SMAP1: variants seen among roughly 807,000 people sequenced by gnomAD.
The protein encoded by SMAP1 is small ArfGAP 1.
A neutral mutation model predicts 58.5 loss-of-function variants in SMAP1; 24 were observed. The ratio of observed to expected loss-of-function variants is 0.41; its 90% CI spans 0.30 to 0.58. SMAP1 has a LOEUF of 0.58. Among genes scored for constraint, SMAP1 ranks in the 20% least tolerant of loss-of-function variants. The probability of loss-of-function intolerance (pLI) is 0.29; values close to 1 mark genes in which losing one functional copy is unlikely to be tolerated. For synonymous variants in SMAP1, 216 were observed against 196.6 expected (o/e 1.10, Z -0.82); for missense variants, 563 against 566.3 (o/e 0.99, Z 0.06).
chr6:70,821,168 G>A (rs1369771541), intron 6 of SMAP1, among the ~76,000 whole-genome samples: 1 of 151,338 alleles, frequency 6.6e-6, no homozygotes, highest in African/African-American at 2.4e-5. Context: ...ATATCAACAA[G>A]ATTAAGTTTT....
intron 8 of SMAP1, among the ~76,000 whole-genome samples, chr6:70,854,699 T>C (rs1771329141): frequency 6.6e-6 from 1 of 152,170 alleles, no homozygotes; most frequent in African/African-American, 2.4e-5. Flanking sequence ...CTACAGATTC[T>C]ATGCATATAT....
At chr6:70,801,859 G>C (rs1243474618) in intron 6 of SMAP1, among the ~76,000 whole-genome samples, 1 of 152,172 alleles carries the variant, frequency 6.6e-6, no homozygotes, top group Admixed American at 6.5e-5. Context: ...CTTCTGTTCT[G>C]TTCCATTGGT....
intron 2 of SMAP1, among the ~76,000 whole-genome samples, chr6:70,746,272 T>C (rs1766029002): frequency 6.6e-6 from 1 of 152,198 alleles, no homozygotes; most frequent in Non-Finnish European, 1.5e-5. Context: ...GGAATGCTTC[T>C]AGGTTTTGCC....
intron 6 of SMAP1, among the ~76,000 whole-genome samples, chr6:70,802,217 A>C (rs2149957337): frequency 6.6e-6 from 1 of 152,250 alleles, no homozygotes; most frequent in Admixed American, 6.5e-5. Flanking sequence ...GTTCTCCTTG[A>C]CGAGGTCCTT....
At chr6:70,668,456 G>A (rs1766127448) in intron 1 of SMAP1, 8 of 1,393,352 alleles carry the variant, frequency 5.7e-6, no homozygotes, top group Non-Finnish European at 6.6e-6. Context: ...AGCGAGGCTG[G>A]GAGCGCGGAA....
chr6:70,775,684 G>A (rs1767518571), intron 4 of SMAP1, among the ~76,000 whole-genome samples: 1 of 151,960 alleles, frequency 6.6e-6, no homozygotes, highest in African/African-American at 2.4e-5. Flanking sequence ...TTTTATGTAG[G>A]CTTGAGAGTA....
chr6:70,727,275 A>G (rs1485460281), intron 1 of SMAP1, among the ~76,000 whole-genome samples: 4 of 152,050 alleles, frequency 2.6e-5, no homozygotes, highest in African/African-American at 4.8e-5. Context: ...CGCCCAGCTA[A>G]TTTTTGTGTT....
At chr6:70,784,676 C>G (rs1425787780) in intron 4 of SMAP1, among the ~76,000 whole-genome samples, 3 of 152,076 alleles carry the variant, frequency 2.0e-5, no homozygotes, top group Admixed American at 6.6e-5. Context: ...AAACAGACTT[C>G]AAACCAACAA....
chr6:70,777,364 ATGATTAT>A (rs1767588979), intron 4 of SMAP1, among the ~76,000 whole-genome samples: 2 of 152,028 alleles, frequency 1.3e-5, no homozygotes, highest in African/African-American at 4.8e-5. Flanking sequence ...CATTTCTCTG[ATGATTAT>A]TGATTTGACC....
At position 70,668,065 on chromosome 6, in the gene SMAP1, C is replaced by G; in HGVS notation, c.42C>G (p.Asn14Lys). 6.2e-7 allele frequency: 1 copy of G among 1,604,282 alleles called. No homozygotes were observed. Among genetic ancestry groups the G allele is most frequent in the Non-Finnish European group, 8.5e-7 (1 of 1,176,144 alleles). ...GTCGGGAGAAGGCTCAGAAGCTGAA[C>G]GAGCAGCACCAGCTCATCCTATCCA... is the stretch of plus-strand genomic sequence containing the variant. Reference protein sequence around the residue: ...RSCREKAQKLNEQHQLILSKL... With the variant: ...RSCREKAQKLKEQHQLILSKL... Residue 14 changes from asparagine (N) to lysine (K), a missense_variant, in exon 1 of 11, where the codon AAC becomes AAG. By Grantham distance (94) the Asn-to-Lys change is moderately conservative. Coordinates refer to ENST00000370455, the MANE Select transcript of SMAP1 (RefSeq NM_001044305.3).
chr6:70,678,655 T>C (rs1354351188), intron 1 of SMAP1, among the ~76,000 whole-genome samples: 2 of 152,262 alleles, frequency 1.3e-5, no homozygotes, highest in African/African-American at 4.8e-5. Flanking sequence ...CTTATTGAGC[T>C]AAAGGCAAGG....
At chr6:70,830,563 TTATG>T (rs1298572027) in intron 6 of SMAP1, among the ~76,000 whole-genome samples, 4 of 152,254 alleles carry the variant, frequency 2.6e-5, no homozygotes, top group Non-Finnish European at 5.9e-5. Flanking sequence ...AATTGATAGT[TTATG>T]TATTCATGTT....
chr6:70,773,965 G>A (rs146792597), intron 4 of SMAP1, among the ~76,000 whole-genome samples: 5 of 152,214 alleles, frequency 3.3e-5, no homozygotes, highest in East Asian at 1.9e-4. Context: ...TATATACAAC[G>A]TTGGTCCTAT....
chr6:70,826,947 A>AG, intron 6 of SMAP1, among the ~76,000 whole-genome samples: 1 of 150,828 alleles, frequency 6.6e-6, no homozygotes, highest in East Asian at 1.9e-4. Context: ...AAAAAAAAAA[A>AG]AAAAAAAAAA....
intron 1 of SMAP1, among the ~76,000 whole-genome samples, chr6:70,698,562 A>G (rs1377208815): frequency 6.6e-6 from 1 of 152,150 alleles, no homozygotes; most frequent in African/African-American, 2.4e-5. Flanking sequence ...TTTCGTAGGC[A>G]TGCTTCATTC....
At chr6:70,754,532 T>C (rs560911315) in intron 2 of SMAP1, among the ~76,000 whole-genome samples, 28 of 152,232 alleles carry the variant, frequency 1.8e-4, no homozygotes, top group Non-Finnish European at 4.1e-4. Context: ...TTCTCTCTTA[T>C]CTGGCCTTCA....
chr6:70,701,875 C>T (rs1419458366), intron 1 of SMAP1, among the ~76,000 whole-genome samples: 2 of 152,144 alleles, frequency 1.3e-5, no homozygotes, highest in Non-Finnish European at 2.9e-5. Context: ...ATTTGGTGTT[C>T]CTGCAGGGGA....
At chr6:70,680,102 T>TCAACAACAACAACAACAA (rs140699249) in intron 1 of SMAP1, among the ~76,000 whole-genome samples, 8 of 150,352 alleles carry the variant, frequency 5.3e-5, no homozygotes, top group Non-Finnish European at 1.0e-4. Flanking sequence ...GATAGTCTTT[T>TCAACAACAACAACAACAA]CAACAACAAC....
chr6:70,860,466 T>A lies in SMAP1; in HGVS notation c.*132T>A. 2 of 1,107,672 alleles carry A rather than the reference T, an allele frequency of 1.8e-6. No individual in the cohort carries two copies. Among genetic ancestry groups the A allele is most frequent in the Non-Finnish European group, 2.5e-6 (2 of 795,640 alleles). The allele number at this position is 1,107,672 out of a possible 1,614,324, so 68.6% of individuals were successfully genotyped here. Reference sequence around the variant, plus strand: ...TTGTTCATATTAAGAATGATCTGATTGACCGTGTTGGTCTGTACTGATTCA... The same window carrying A: ...TTGTTCATATTAAGAATGATCTGATAGACCGTGTTGGTCTGTACTGATTCA... On this transcript the variant is annotated 3_prime_UTR_variant, in exon 11 of 11. Coordinates refer to ENST00000370455, the MANE Select transcript of SMAP1 (RefSeq NM_001044305.3).
Sources: allele counts gnomAD v4.1 joint callset (sites outside exome capture counted in the v4.1 genomes callset), GRCh38; gene constraint gnomAD v4.1.1; transcripts MANE v1.5; gene names NCBI Gene and HGNC (gene_info 2026-07-23, HGNC 2026-07-21).